CDK6: variants seen among roughly 807,000 people sequenced by gnomAD.
CDK6 encodes cyclin-dependent kinase 6.
In CDK6, 6 loss-of-function variants were observed where a neutral mutation model predicts 37.1. The ratio of observed to expected loss-of-function variants is 0.16; its 90% confidence interval spans 0.09 to 0.32. The LOEUF is 0.32. Among genes scored for constraint, CDK6 ranks in the 10% least tolerant of loss-of-function variants. The probability of loss-of-function intolerance (pLI) is 1.00; values close to 1 mark genes in which losing one functional copy is unlikely to be tolerated. For synonymous variants in CDK6, 160 were observed against 161.3 expected, an observed-to-expected ratio of 0.99 and a Z score of 0.06; for missense variants, 224 against 418.9, an observed-to-expected ratio of 0.53 and a Z score of 4.06.
rs766090714 is a variant in CDK6 at position 92,614,201 on chromosome 7, TAAC to T, written c.*936_*938del. 1 of 231,808 alleles carries T rather than the reference TAAC, an allele frequency of 4.3e-6. No homozygotes were observed. Among genetic ancestry groups the T allele is most frequent in the Non-Finnish European group, 8.5e-6 (1 of 117,624 alleles). 14.4% of individuals were successfully genotyped at this position (231,808 alleles called of 1,614,324 possible). On this transcript the variant is annotated 3_prime_UTR_variant, in exon 8 of 8. Coordinates refer to ENST00000424848, the MANE Select transcript of CDK6 (RefSeq NM_001145306.2). Reference sequence around the variant, plus strand: ...ACAAAATAACAACAACAAACAACAATAACAACAACAAAAAAAGGGAAGAAAGGA... The same window carrying T: ...ACAAAATAACAACAACAAACAACAATAACAACAAAAAAAGGGAAGAAAGGA...
intron 3 of CDK6, among the ~76,000 whole-genome samples, chr7:92,733,369 A>G (rs1434939297): frequency 6.6e-6 from 1 of 152,158 alleles, no homozygotes; most frequent in African/African-American, 2.4e-5. Context: ...GGACTCCAAC[A>G]TCACTAGGAT....
chr7:92,671,750 C>CT (rs1212301444), intron 4 of CDK6, among the ~76,000 whole-genome samples: 4 of 152,190 alleles, frequency 2.6e-5, no homozygotes, highest in Non-Finnish European at 5.9e-5. Context: ...ACCTCCAACT[C>CT]TATGTCTAAC....
intron 3 of CDK6, among the ~76,000 whole-genome samples, chr7:92,766,911 C>A (rs1799594744): frequency 6.6e-6 from 1 of 152,158 alleles, no homozygotes; most frequent in Admixed American, 6.5e-5. Flanking sequence ...GTCAGTCTTA[C>A]AGTACCTTTA....
intron 3 of CDK6, among the ~76,000 whole-genome samples, chr7:92,747,367 T>C (rs1799085425): frequency 6.6e-6 from 1 of 152,160 alleles, no homozygotes; most frequent in Admixed American, 6.5e-5. Flanking sequence ...TGCTACCAGA[T>C]TAATCAGCTG....
chr7:92,725,109 G>T (rs1039947703), intron 4 of CDK6: 6 of 985,256 alleles, frequency 6.1e-6, no homozygotes, highest in Non-Finnish European at 7.2e-6. Flanking sequence ...GCCTTCACCT[G>T]GCATGGCGGT....
chr7:92,662,383 G>A (rs1796859654), intron 5 of CDK6, among the ~76,000 whole-genome samples: 1 of 152,110 alleles, frequency 6.6e-6, no homozygotes. Context: ...TAGCATGGAA[G>A]TGGGTCTCAG....
At chr7:92,770,630 G>A (rs1042352254) in intron 3 of CDK6, among the ~76,000 whole-genome samples, 2 of 152,058 alleles carry the variant, frequency 1.3e-5, no homozygotes, top group Non-Finnish European at 2.9e-5. Flanking sequence ...AAGTAAGCTA[G>A]AAAAGTAAGA....
chr7:92,725,182 C>T (rs1798481460), intron 4 of CDK6: 1 of 985,284 alleles, frequency 1.0e-6, no homozygotes, highest in East Asian at 1.1e-4. Flanking sequence ...CAGCTGGCAC[C>T]ATAGCTTCAG....
At chr7:92,684,882 T>C (rs1171639997) in intron 4 of CDK6, among the ~76,000 whole-genome samples, 1 of 152,114 alleles carries the variant, frequency 6.6e-6, no homozygotes, top group Non-Finnish European at 1.5e-5. Flanking sequence ...TTACTTGACA[T>C]AAGAATTCTT....
At chr7:92,821,947 G>A (rs1057108545) in intron 2 of CDK6, among the ~76,000 whole-genome samples, 3 of 151,892 alleles carry the variant, frequency 2.0e-5, no homozygotes, top group Non-Finnish European at 4.4e-5. Context: ...CTCTTTAGGG[G>A]AATGCATGTC....
intron 4 of CDK6, among the ~76,000 whole-genome samples, chr7:92,674,019 A>C (rs1287217692): frequency 6.6e-6 from 1 of 150,788 alleles, no homozygotes; most frequent in Non-Finnish European, 1.5e-5. Flanking sequence ...AGCTCAGGCA[A>C]TCTGCCTGCC....
intron 2 of CDK6, among the ~76,000 whole-genome samples, chr7:92,816,958 A>C (rs932309427): frequency 1.4e-4 from 21 of 151,978 alleles, no homozygotes; most frequent in African/African-American, 3.9e-4. Flanking sequence ...AAAAAACCCT[A>C]GGATAGACAA....
At chr7:92,676,712 T>C (rs1797211111) in intron 4 of CDK6, among the ~76,000 whole-genome samples, 1 of 152,210 alleles carries the variant, frequency 6.6e-6, no homozygotes, top group South Asian at 2.1e-4. Flanking sequence ...TACAAAACTT[T>C]CTAATACATA....
chr7:92,662,315 G>C (rs1449581142), intron 5 of CDK6, among the ~76,000 whole-genome samples: 2 of 152,134 alleles, frequency 1.3e-5, no homozygotes, highest in African/African-American at 2.4e-5. Flanking sequence ...TGTTGGGTTG[G>C]GGGTGTGGAA....
At position 92,623,049 on chromosome 7, in the gene CDK6, C is replaced by G; in HGVS notation, c.685G>C (p.Gly229Arg). The change falls in exon 6 of 8, where the codon GGA (glycine) becomes CGA (arginine). Residue 229 changes from glycine to arginine, a missense_variant. Transcript: ENST00000424848. ...ATTATTACTTACTCCAAGATTTTTCCTAGTTGATCAACATCTGAACTTCCA... is the reference window on the plus strand; with the variant it reads ...ATTATTACTTACTCCAAGATTTTTCGTAGTTGATCAACATCTGAACTTCCA... ...FRGSSDVDQL[G>R]KILDVIGLPG... The G allele has an allele frequency of 6.3e-7, 1 of 1,584,356 alleles. No individual in the cohort carries two copies. Among genetic ancestry groups the G allele is most frequent in the South Asian group, 1.1e-5 (1 of 88,970 alleles).
chr7:92,638,470 T>A (rs1174018839), intron 5 of CDK6, among the ~76,000 whole-genome samples: 1 of 152,180 alleles, frequency 6.6e-6, no homozygotes, highest in Non-Finnish European at 1.5e-5. Flanking sequence ...AATGCCCAGA[T>A]AGAAGGATGC....
At chr7:92,736,563 G>A (rs766571383) in intron 3 of CDK6, among the ~76,000 whole-genome samples, 1 of 152,200 alleles carries the variant, frequency 6.6e-6, no homozygotes, top group Admixed American at 6.5e-5. Flanking sequence ...ATCTGTCATG[G>A]AGGACACTAA....
chr7:92,716,466 G>A (rs80033089), intron 4 of CDK6, among the ~76,000 whole-genome samples: 2 of 152,280 alleles, frequency 1.3e-5, no homozygotes, highest in East Asian at 3.9e-4. Context: ...TGCCCACCTC[G>A]TGCAAGGAAG....
At chr7:92,804,608 T>C (rs1800673751) in intron 2 of CDK6, among the ~76,000 whole-genome samples, 1 of 152,198 alleles carries the variant, frequency 6.6e-6, no homozygotes, top group Non-Finnish European at 1.5e-5. Flanking sequence ...TGGTTGGACT[T>C]ATGTGTTTTT....
Sources: allele counts gnomAD v4.1 joint callset (sites outside exome capture counted in the v4.1 genomes callset), GRCh38; gene constraint gnomAD v4.1.1; transcripts MANE v1.5; gene names NCBI Gene and HGNC (gene_info 2026-07-23, HGNC 2026-07-21).